IPO4: variants seen among roughly 807,000 people sequenced by gnomAD.
IPO4 encodes the protein importin 4, also known as importin-4.
IPO4 carries 91 observed loss-of-function variants against 133.5 expected under a neutral mutation model. The ratio of observed to expected loss-of-function variants is 0.68; its 90% CI spans 0.58 to 0.81. IPO4 has a LOEUF of 0.81. IPO4 is among the 30% of genes least tolerant of loss of function. The pLI, the probability that IPO4 is intolerant of heterozygous loss-of-function variation, is 0.00. For synonymous variants in IPO4, 607 were observed against 581.6 expected (o/e 1.04, Z -0.63); for missense variants, 1,279 against 1,386.2 (o/e 0.92, Z 1.23).
intron 24 of IPO4, 130 bp downstream of exon 24, chr14:24,182,662 C>T (rs2039159197): frequency 9.1e-7 from 1 of 1,103,634 alleles, no homozygotes; most frequent in Non-Finnish European, 1.4e-6. Context: ...AGGGTTGTAT[C>T]CCTCTGGCCA....
chr14:24,187,516 G>A lies in IPO4; in HGVS notation c.472C>T (p.Arg158Trp), dbSNP rs141648284. Reference protein sequence around the residue: ...SRPEAFQPHHRELLRLLNETL... With the variant: ...SRPEAFQPHHWELLRLLNETL... ...TCATTCAGAAGCCGAAGAAGCTCCC[G>A]GTGGTGGGGTTGGAAGGCCTCGGGC... Residue 158 changes from arginine to tryptophan, a missense_variant, in exon 6 of 30, where the codon CGG becomes TGG. This residue lies in a region of IPO4 where 695 missense variants were observed against 704.1 expected (regional missense o/e 0.99). Transcript: ENST00000354464. The A allele has an allele frequency of 8.3e-4, 1,335 of 1,614,158 alleles. 9 individuals carry two copies. In the African/African-American group the frequency reaches 0.015, roughly 18 times the overall value.
chr14:24,188,453 C>G (rs1309523342), intron 2 of IPO4, 30 bp from the exon 3 acceptor site: 1 of 1,609,604 alleles, frequency 6.2e-7, no homozygotes, highest in Admixed American at 1.7e-5. Context: ...ACGTGGGGGT[C>G]CGGGCAGGAA....
At position 24,188,800 on chromosome 14, in the gene IPO4, G is replaced by T; in HGVS notation, c.-13C>A. ...CGGCTGACTCCATGGCAGCAACTGA[G>T]CCGCCGCTACTGGGCCGAAAAGGGG... is the stretch of plus-strand genomic sequence containing the variant. On this transcript the variant is annotated 5_prime_UTR_variant, in exon 1 of 30. Transcript: ENST00000354464. The T allele has an allele frequency of 6.7e-7, 1 of 1,489,452 alleles. No homozygotes were observed. The highest frequency in any genetic ancestry group is 1.4e-5 in the South Asian group (1 of 72,822). The allele number at this position is 1,489,452 out of a possible 1,614,324, so 92.3% of individuals were successfully genotyped here.
Position 24,180,367 on chromosome 14 carries a change from A to G in IPO4, c.*75T>C, listed in dbSNP as rs2039107348. On this transcript the variant is annotated 3_prime_UTR_variant, in exon 30 of 30. Transcript: ENST00000354464. ...AGTCTCAGAATCTTTGGTAAGGCAG[A>G]ACTGAACTGGGCTGAGAGGTGGTCT... 6.5e-7 allele frequency: 1 copy of G among 1,546,454 alleles called. No individual in the cohort carries two copies. The highest frequency in any genetic ancestry group is 2.0e-5 in the Admixed American group (1 of 51,098).
chr14:24,186,325 C>T lies in IPO4; in HGVS notation c.967G>A (p.Glu323Lys). 1 of 1,611,832 alleles carries T rather than the reference C, an allele frequency of 6.2e-7. No homozygotes were observed. The highest frequency in any genetic ancestry group is 8.5e-7 in the Non-Finnish European group (1 of 1,178,640). ...QDSEEEELEI[E>K]LMGETPKHFA... Reference sequence around the variant, plus strand: ...TGCTTGGGAGTCTCCCCCATCAGCTCAATCTCCAACTCTTCCTCTTCTGAA... The same window carrying T: ...TGCTTGGGAGTCTCCCCCATCAGCTTAATCTCCAACTCTTCCTCTTCTGAA... Residue 323 changes from glutamate (E) to lysine (K), a missense_variant, in exon 10 of 30, where the codon GAG (glutamate) becomes AAG (lysine). By Grantham distance (56) the Glu-to-Lys change is moderately conservative. Around this residue, in one of 3 missense-constraint regions of IPO4, gnomAD observed 695 missense variants for 704.1 expected, o/e 0.99. Coordinates refer to ENST00000354464, the MANE Select transcript of IPO4 (RefSeq NM_024658.4).
At chr14:24,188,693 C>A (rs1485047919) in intron 1 of IPO4, 26 bp downstream of exon 1, 1 of 1,599,716 alleles carries the variant, frequency 6.3e-7, no homozygotes, top group Non-Finnish European at 8.5e-7. Context: ...CCCGCTCGCC[C>A]TGGCCCGGTT....
Position 24,185,290 on chromosome 14 carries a change from C to T in IPO4, c.1301G>A (p.Arg434Lys). The change falls in exon 14 of 30, where the codon AGG becomes AAG. Residue 434 changes from arginine (R) to lysine (K), a missense_variant. By Grantham distance (26) the Arg-to-Lys change is conservative. Transcript: ENST00000354464. ...GGCGAGGAGCAGTGGCATTACCTCC[C>T]TTGAATAGCTGCTGATATGGGGCTG... ...NLQPHISSYS[R>K]EVMPLLLAYL... 6.2e-7 allele frequency: 1 copy of T among 1,614,086 alleles called. No individual in the cohort carries two copies. Among genetic ancestry groups the T allele is most frequent in the South Asian group, 1.1e-5 (1 of 91,076 alleles).
intron 24 of IPO4, 175 bp downstream of exon 24, chr14:24,182,617 C>T (rs2039158763): frequency 1.1e-6 from 1 of 951,230 alleles, no homozygotes; most frequent in Admixed American, 1.8e-5. Flanking sequence ...CCACACTGCT[C>T]TCCTTCCCTG....
In IPO4 at chr14:24,183,116, T is replaced by G; in HGVS notation, c.2281A>C (p.Arg761=). 1.2e-6 allele frequency: 2 copies of G among 1,613,856 alleles called. No homozygotes were observed. Among genetic ancestry groups the G allele is most frequent in the Non-Finnish European group, 1.7e-6 (2 of 1,180,004 alleles). The change falls in exon 23 of 30, where the codon AGG becomes CGG. Residue 761 remains arginine, a synonymous_variant. Transcript: ENST00000354464. ...VVPSYMQAVN[R]ERERQVVMAV... is the part of the protein sequence containing the mutation. Reference sequence around the variant, plus strand: ...ATCACCACCTGGCGTTCCCGCTCCCTGTTCACTGCCTGCATGTAGGATGGC... The same window carrying G: ...ATCACCACCTGGCGTTCCCGCTCCCGGTTCACTGCCTGCATGTAGGATGGC...
chr14:24,185,040 C>G, intron 14 of IPO4, 60 bp from the exon 15 acceptor site: 1 of 1,591,210 alleles, frequency 6.3e-7, no homozygotes, highest in Admixed American at 1.7e-5. Context: ...ACGCCCACCT[C>G]CCTCCAGGCG....
rs777160627 is a variant in IPO4, at chr14:24,184,113, G to A, written c.1758-4C>T. On this transcript the variant is annotated splice_region_variant and splice_polypyrimidine_tract_variant and intron_variant, in intron 17 of 29. Coordinates refer to ENST00000354464, the MANE Select transcript of IPO4 (RefSeq NM_024658.4). ...TAAGGCTGCAAATAGGCTGTACCTG[G>A]TCAAAGCAGGCAGAAGAAGCTGTAA... The A allele has an allele frequency of 4.3e-6, 7 of 1,611,044 alleles. No homozygotes were observed. In the South Asian group the frequency reaches 7.7e-5, roughly 18 times the overall value.
In IPO4 at chr14:24,188,267, A is replaced by C; in HGVS notation, c.237-10T>G. 6.2e-7 allele frequency: 1 copy of C among 1,613,296 alleles called. No homozygotes were observed. The highest frequency in any genetic ancestry group is 8.5e-7 in the Non-Finnish European group (1 of 1,179,640). On this transcript the variant is annotated splice_polypyrimidine_tract_variant and intron_variant, in intron 3 of 29. Transcript: ENST00000354464. ...GATCAGGGACTTGAGGCTGGAACACAGGTGGCAGGTGTTTGGTACCCAGCC... is the reference window on the plus strand; with the variant it reads ...GATCAGGGACTTGAGGCTGGAACACCGGTGGCAGGTGTTTGGTACCCAGCC...
rs1023867410 is a variant in IPO4, at chr14:24,185,009, C to T, written c.1409-29G>A. On this transcript the variant is annotated intron_variant, in intron 14 of 29. Coordinates refer to ENST00000354464, the MANE Select transcript of IPO4 (RefSeq NM_024658.4). ...TGGGAAAGGATGCTCCTCTACCAAC[C>T]AACCCAGGTCTGCTACCTGCACGCC... 7 of 1,606,330 alleles carry T rather than the reference C, an allele frequency of 4.4e-6. No individual in the cohort carries two copies. The East Asian group carries it at 8.9e-5, about 21-fold the overall frequency.
In IPO4 at chr14:24,181,752, G is replaced by A. The variant is rs1038144935; in HGVS notation, c.2899C>T (p.Arg967Cys). 9.4e-6 allele frequency: 15 copies of A among 1,601,690 alleles called. No individual in the cohort carries two copies. Among genetic ancestry groups the A allele is most frequent in the South Asian group, 1.1e-5 (1 of 89,604 alleles). ...CTGGTGGGACTGGCCATCAACAGGC[G>A]GGCAAGTGCCCCACAGATGTTGTCA... ...VRDNICGALA[R>C]LLMASPTRKP... The change falls in exon 27 of 30, where the codon CGC becomes TGC. Residue 967 changes from arginine (R) to cysteine (C), a missense_variant. Physicochemically the swap from Arg to Cys is radical, Grantham distance 180 (BLOSUM62 -3). Coordinates refer to ENST00000354464, the MANE Select transcript of IPO4 (RefSeq NM_024658.4).
At chr14:24,185,117 T>C in intron 14 of IPO4, 66 bp downstream of exon 14, 1 of 1,599,552 alleles carries the variant, frequency 6.3e-7, no homozygotes, top group Non-Finnish European at 8.6e-7. Flanking sequence ...GAGATGCACA[T>C]CCTGTACATT....
rs1237873023 is a variant in IPO4 at position 24,182,175 on chromosome 14, G to C, written c.2599-12C>G. Reference sequence around the variant, plus strand: ...GTGCAGCCCTGTTTCTGATGGGGGAGAACAGGAAGGAGTACAGATCAGCCT... The same window carrying C: ...GTGCAGCCCTGTTTCTGATGGGGGACAACAGGAAGGAGTACAGATCAGCCT... On this transcript the variant is annotated splice_polypyrimidine_tract_variant and intron_variant, in intron 25 of 29. Coordinates refer to ENST00000354464, the MANE Select transcript of IPO4 (RefSeq NM_024658.4). The C allele has an allele frequency of 6.2e-7, 1 of 1,614,046 alleles. No individual in the cohort carries two copies. The highest frequency in any genetic ancestry group is 2.2e-5 in the East Asian group (1 of 44,888).
intron 27 of IPO4, 30 bp downstream of exon 27, chr14:24,181,681 C>T: frequency 6.8e-6 from 11 of 1,610,576 alleles, no homozygotes; most frequent in Non-Finnish European, 9.3e-6. Context: ...CCTCAGCTTC[C>T]AAGCCCTGCC....
Position 24,180,777 on chromosome 14 carries a change from T to C in IPO4, c.3046-19A>G. On this transcript the variant is annotated intron_variant, in intron 28 of 29. Transcript: ENST00000354464. The stretch of plus-strand genomic sequence containing the variant: ...CTATAACCTGTGAGGAAAGAGTGGC[T>C]GACTCAGGGCAGCAGCCCCAGACCC... The C allele has an allele frequency of 6.2e-7, 1 of 1,611,964 alleles. No homozygotes were observed. Among genetic ancestry groups the C allele is most frequent in the South Asian group, 1.1e-5 (1 of 90,848 alleles).
rs528249935 is a variant in IPO4 at position 24,182,340 on chromosome 14, C to A, written c.2536G>T (p.Ala846Ser). Residue 846 changes from alanine (A) to serine (S), a missense_variant, in exon 25 of 30, where the codon GCT (alanine) becomes TCT (serine). Ala to Ser is a moderately conservative substitution (Grantham distance 99, BLOSUM62 1). This residue lies in a region of IPO4 where 575 missense variants were observed against 653.4 expected (regional missense o/e 0.88). Transcript: ENST00000354464. ...GEAIPALAAA[A>S]GGDSFAPFFA... ...AATGGGGCAAAGGAGTCTCCCCCAG[C>A]CGCGGCTGCCAGGGCAGGGATGGCC... 6.2e-7 allele frequency: 1 copy of A among 1,613,772 alleles called. No homozygotes were observed. Among genetic ancestry groups the A allele is most frequent in the Admixed American group, 1.7e-5 (1 of 60,002 alleles).
Sources: allele counts gnomAD v4.1 joint callset, GRCh38; gene constraint gnomAD v4.1.1; regional missense constraint gnomAD v4.1.1; transcripts MANE v1.5; gene names NCBI Gene and HGNC (gene_info 2026-07-23, HGNC 2026-07-21).